Variants in TAFA5 observed in about 807,000 individuals in gnomAD.
TAFA5 encodes the protein chemokine-like protein TAFA-5.
Under a neutral mutation model 15.3 loss-of-function variants are expected in TAFA5, and 6 were observed. The observed-to-expected ratio is 0.39, with a 90% CI of 0.21 to 0.77. The LOEUF is 0.77. Among genes scored for constraint, TAFA5 ranks in the 30% least tolerant of loss-of-function variants. The probability of loss-of-function intolerance (pLI) is 0.41; values close to 1 mark genes in which losing one functional copy is unlikely to be tolerated. For missense variants in TAFA5, 161 were observed against 193.1 expected (o/e 0.83, Z 0.98); for synonymous variants, 103 against 80.7 (o/e 1.28, Z -1.48).
intron 1 of TAFA5, among the ~76,000 whole-genome samples, chr22:48,521,996 T>C (rs1478597329): frequency 6.6e-6 from 1 of 152,212 alleles, no homozygotes; most frequent in African/African-American, 2.4e-5. Context: ...GTGCCCACCC[T>C]CCGGATGGGG....
intron 1 of TAFA5, among the ~76,000 whole-genome samples, chr22:48,581,684 T>G (rs900936097): frequency 6.6e-6 from 1 of 152,216 alleles, no homozygotes; most frequent in African/African-American, 2.4e-5. Context: ...TTCATGTGTG[T>G]GCATATGTGT....
chr22:48,538,314 G>A (rs1831103623), intron 1 of TAFA5, among the ~76,000 whole-genome samples: 1 of 152,204 alleles, frequency 6.6e-6, no homozygotes, highest in African/African-American at 2.4e-5. Flanking sequence ...GAGGGCCGCT[G>A]CCCCGAGCCC....
intron 2 of TAFA5, among the ~76,000 whole-genome samples, chr22:48,677,345 A>C (rs1243291832): frequency 2.0e-5 from 3 of 152,228 alleles, no homozygotes; most frequent in Non-Finnish European, 4.4e-5. Flanking sequence ...CGTCGGTTTC[A>C]GATGTGCAGT....
At chr22:48,643,739 T>A (rs1926766335) in intron 1 of TAFA5, among the ~76,000 whole-genome samples, 1 of 152,072 alleles carries the variant, frequency 6.6e-6, no homozygotes, top group South Asian at 2.1e-4. Flanking sequence ...CTACTGTAGG[T>A]GGATGACTCC....
At chr22:48,730,936 G>C (rs903910864) in intron 3 of TAFA5, among the ~76,000 whole-genome samples, 2 of 152,198 alleles carry the variant, frequency 1.3e-5, no homozygotes, top group African/African-American at 4.8e-5. Flanking sequence ...TCAAAAGCTA[G>C]AAGTGATCGA....
chr22:48,504,483 T>C (rs1242778692), intron 1 of TAFA5, among the ~76,000 whole-genome samples: 1 of 152,094 alleles, frequency 6.6e-6, no homozygotes, highest in African/African-American at 2.4e-5. Flanking sequence ...TGACATTCTT[T>C]TCCTCCTGGG....
intron 1 of TAFA5, among the ~76,000 whole-genome samples, chr22:48,505,918 C>G (rs1920990197): frequency 6.6e-6 from 1 of 152,202 alleles, no homozygotes; most frequent in Admixed American, 6.5e-5. Flanking sequence ...GTCAGGCTGG[C>G]ACGGCGTGGT....
At position 48,560,641 on chromosome 22, in the gene TAFA5, C is replaced by T. The variant is rs892008832; in HGVS notation, c.112+70937C>T. On this transcript the variant is annotated intron_variant, in intron 1 of 3. Coordinates refer to ENST00000402357, the MANE Select transcript of TAFA5 (RefSeq NM_001082967.3). This position sits in a 1 kb window ranked among gnomAD's most constrained non-coding sequence, Gnocchi z 4.2. ...TATTTATTTTTGAGATGGAGTTTCG[C>T]TCTTGTTGCCCAGGCGGGAGTGCAG... 6.6e-6 allele frequency among the ~76,000 whole-genome samples: 1 copy of T among 151,392 alleles called. No homozygotes were observed. Among genetic ancestry groups the T allele is most frequent in the Non-Finnish European group, 1.5e-5 (1 of 67,932 alleles).
rs538189050 is a variant in TAFA5 at position 48,542,253 on chromosome 22, T to C, written c.112+52549T>C. 2.0e-4 allele frequency among the ~76,000 whole-genome samples: 27 copies of C among 134,548 alleles called. No individual in the cohort carries two copies. In the South Asian group the frequency reaches 3.9e-3, roughly 20 times the overall value. The allele number at this position is 134,548 out of a possible 152,430, so 88.3% of individuals were successfully genotyped here. A position where few individuals can be genotyped will look rare whatever the true frequency, so the allele number is the denominator to read the frequency against. On this transcript the variant is annotated intron_variant, in intron 1 of 3. Coordinates refer to ENST00000402357, the MANE Select transcript of TAFA5 (RefSeq NM_001082967.3). ...TGCTGTGTGTGTGTGCATATGTGTG[T>C]GTATGTGTGTGTGGTGTGTGTGGGG...
chr22:48,558,074 G>T (rs532518071), intron 1 of TAFA5, among the ~76,000 whole-genome samples: 40 of 152,286 alleles, frequency 2.6e-4, no homozygotes, highest in African/African-American at 9.1e-4. Context: ...ACCTCACCAA[G>T]ATCAGCACAA....
chr22:48,590,634 T>G (rs1193736116), intron 1 of TAFA5, among the ~76,000 whole-genome samples: 1 of 151,996 alleles, frequency 6.6e-6, no homozygotes, highest in Non-Finnish European at 1.5e-5. Flanking sequence ...CCCAGGACTG[T>G]GACTCTGAGA....
intron 1 of TAFA5, among the ~76,000 whole-genome samples, chr22:48,541,211 A>G (rs2147119092): frequency 6.6e-6 from 1 of 151,954 alleles, no homozygotes; most frequent in East Asian, 1.9e-4. Flanking sequence ...GAAACCCCAG[A>G]AACCTGTACC....
At chr22:48,677,674 G>A (rs1928019632) in intron 2 of TAFA5, among the ~76,000 whole-genome samples, 1 of 152,314 alleles carries the variant, frequency 6.6e-6, no homozygotes, top group East Asian at 1.9e-4. Flanking sequence ...AAGGCCCAGA[G>A]GAAGCAGCTC....
chr22:48,746,881 G>A (rs1236402219), intron 3 of TAFA5, among the ~76,000 whole-genome samples: 6 of 152,106 alleles, frequency 3.9e-5, no homozygotes, highest in East Asian at 1.9e-4. Flanking sequence ...GTCCCACCCC[G>A]GCAGCCATCC....
At position 48,746,836 on chromosome 22, in the gene TAFA5, C is replaced by T. The variant is rs535464767; in HGVS notation, c.391-3003C>T. 3.3e-5 allele frequency among the ~76,000 whole-genome samples: 5 copies of T among 152,276 alleles called. No homozygotes were observed. In the South Asian group the frequency reaches 8.3e-4, roughly 25 times the overall value. On this transcript the variant is annotated intron_variant, in intron 3 of 3. Coordinates refer to ENST00000402357, the MANE Select transcript of TAFA5 (RefSeq NM_001082967.3). ...TCCTCAGCAGAGGGTCAGCCTGCTC[C>T]GCACCCCTGGGGCCTGGTGCCTGCT...
At position 48,507,158 on chromosome 22, in the gene TAFA5, C is replaced by T. The variant is rs192541737; in HGVS notation, c.112+17454C>T. Among the ~76,000 whole-genome samples, 262 of 108,350 alleles carry T rather than the reference C, an allele frequency of 2.4e-3. 6 individuals carry two copies. The highest frequency in any genetic ancestry group is 0.015 in the South Asian group (60 of 3,934). The allele number at this position is 108,350 out of a possible 152,430, so 71.1% of individuals were successfully genotyped here. On this transcript the variant is annotated intron_variant, in intron 1 of 3. Transcript: ENST00000402357. ...TGCAGTAGGAAGAGAAGGAGGTGGC[C>T]GCAAAGGGCCAGGTGTGTAGTTGGA...
chr22:48,683,241 G>T (rs911993307), intron 2 of TAFA5, among the ~76,000 whole-genome samples: 2 of 152,156 alleles, frequency 1.3e-5, no homozygotes, highest in Admixed American at 1.3e-4. Context: ...GACAGGCCCG[G>T]ATGTTCCTCC....
chr22:48,575,394 C>T (rs1359253520), intron 1 of TAFA5, among the ~76,000 whole-genome samples: 6 of 147,890 alleles, frequency 4.1e-5, no homozygotes, highest in South Asian at 4.1e-4. Context: ...GCGCAGACGG[C>T]GGCGGGCGCG....
chr22:48,613,338 A>C (rs543833052), intron 1 of TAFA5, among the ~76,000 whole-genome samples: 1 of 151,998 alleles, frequency 6.6e-6, no homozygotes, highest in East Asian at 1.9e-4. Flanking sequence ...CACCTCCTTG[A>C]GCTGATGTCC....
Sources: allele counts gnomAD v4.1 joint callset (sites outside exome capture counted in the v4.1 genomes callset), GRCh38; gene constraint gnomAD v4.1.1; non-coding constraint Gnocchi (gnomAD v3.1); transcripts MANE v1.5; gene names NCBI Gene and HGNC (gene_info 2026-07-23, HGNC 2026-07-21).